Variants in C8A observed in about 807,000 individuals in gnomAD.
The protein encoded by C8A is complement C8 alpha chain.
Under a neutral mutation model 65.3 loss-of-function variants are expected in C8A, and 67 were observed. The ratio of observed to expected loss-of-function variants is 1.03; its 90% CI spans 0.84 to 1.26. The LOEUF (loss-of-function observed/expected upper bound fraction) is 1.26. Ranked by LOEUF, C8A falls within the 50% of genes most tolerant of loss-of-function variation. The pLI, the probability that C8A is intolerant of heterozygous loss-of-function variation, is 0.00. For missense variants in C8A, 781 were observed against 723.9 expected (o/e 1.08, Z -0.90); for synonymous variants, 290 against 259.4 (o/e 1.12, Z -1.13).
chr1:56,900,965 G>A (rs1430457808), intron 7 of C8A, among the ~76,000 whole-genome samples: 1 of 152,188 alleles, frequency 6.6e-6, no homozygotes, highest in Non-Finnish European at 1.5e-5. Context: ...TTAAGAAAAG[G>A]CTGTCTGGAG....
At chr1:56,880,847 A>G (rs2101230389) in intron 4 of C8A, among the ~76,000 whole-genome samples, 1 of 152,298 alleles carries the variant, frequency 6.6e-6, no homozygotes, top group South Asian at 2.1e-4. Context: ...GCTTTTTACA[A>G]ATGACTAAAC....
At chr1:56,888,767 G>T (rs1644321091) in intron 7 of C8A, among the ~76,000 whole-genome samples, 1 of 152,158 alleles carries the variant, frequency 6.6e-6, no homozygotes, top group Non-Finnish European at 1.5e-5. Context: ...GTTAACATTT[G>T]TTGAGCACCT....
chr1:56,881,318 G>C, intron 4 of C8A, 127 bp from the exon 5 acceptor site: 1 of 918,560 alleles, frequency 1.1e-6, no homozygotes, highest in Non-Finnish European at 1.8e-6. Context: ...GGGTACATGC[G>C]CAGGATGTGC....
chr1:56,865,621 G>T (rs1351665614), intron 1 of C8A, among the ~76,000 whole-genome samples: 1 of 152,012 alleles, frequency 6.6e-6, no homozygotes, highest in Non-Finnish European at 1.5e-5. Context: ...ATTTTTTCTT[G>T]ATGAAAAAAC....
rs1483169897 is a variant in C8A, at chr1:56,917,768, T to G, written c.*52T>G. The stretch of plus-strand genomic sequence containing the variant: ...ATGCTGTGGATGTCGACCCCTGCAC[T>G]GACTATTGGATAAAGACTTCTTTCA... On this transcript the variant is annotated 3_prime_UTR_variant, in exon 11 of 11. Coordinates refer to ENST00000361249, the MANE Select transcript of C8A (RefSeq NM_000562.3). 16 of 1,602,386 alleles carry G rather than the reference T, an allele frequency of 1.0e-5. No homozygotes were observed. Among genetic ancestry groups the G allele is most frequent in the Non-Finnish European group, 1.0e-5 (12 of 1,170,784 alleles).
At chr1:56,869,634 G>A (rs618707) in intron 2 of C8A, among the ~76,000 whole-genome samples, 49,397 of 151,996 alleles carry the variant, frequency 0.32, 8,650 homozygotes, top group South Asian at 0.5. Context: ...GCCACCAGTA[G>A]TGTAAAACTG....
At chr1:56,883,738 A>G in intron 6 of C8A, 57 bp downstream of exon 6, 4 of 1,390,240 alleles carry the variant, frequency 2.9e-6, no homozygotes, top group Non-Finnish European at 4.1e-6. Flanking sequence ...CTGAACACGT[A>G]TTACCTTAAT....
chr1:56,857,979 T>C (rs1415429062), intron 1 of C8A, among the ~76,000 whole-genome samples: 1 of 152,130 alleles, frequency 6.6e-6, no homozygotes, highest in African/African-American at 2.4e-5. Flanking sequence ...TATAACTCTA[T>C]ATTTATTAAT....
chr1:56,866,407 G>A (rs1334816266), intron 1 of C8A, among the ~76,000 whole-genome samples: 1 of 152,138 alleles, frequency 6.6e-6, no homozygotes, highest in African/African-American at 2.4e-5. Flanking sequence ...GCTCTTCGGA[G>A]TCTTTAGTAA....
chr1:56,899,571 C>T (rs190072967), intron 7 of C8A, among the ~76,000 whole-genome samples: 11 of 152,242 alleles, frequency 7.2e-5, no homozygotes, highest in South Asian at 2.1e-4. Flanking sequence ...ATGAAGTCAC[C>T]GGGTGCCCTT....
chr1:56,912,850 T>G (rs979351316), intron 10 of C8A, among the ~76,000 whole-genome samples: 7 of 152,198 alleles, frequency 4.6e-5, no homozygotes, highest in Admixed American at 3.3e-4. Context: ...TTCGCCAAGA[T>G]GTATATGGAC....
intron 1 of C8A, among the ~76,000 whole-genome samples, chr1:56,856,691 T>G (rs931763631): frequency 1.3e-4 from 20 of 152,144 alleles, no homozygotes; most frequent in African/African-American, 4.8e-4. Context: ...TAACATTTGC[T>G]TATTATAAAA....
rs183018613 is a variant in C8A, at chr1:56,909,624, T to C, written c.1380+1511T>C. On this transcript the variant is annotated intron_variant, in intron 9 of 10. Transcript: ENST00000361249. ...CCCTGGGAAGACTCAGGGTCATCAT[T>C]TGGAGAAGACCACTACAGTCTTTTG... 2.0e-5 allele frequency among the ~76,000 whole-genome samples: 3 copies of C among 152,306 alleles called. No individual in the cohort carries two copies. In the East Asian group the frequency reaches 5.8e-4, roughly 29 times the overall value.
chr1:56,902,717 T>C (rs1304744390), intron 7 of C8A, among the ~76,000 whole-genome samples: 1 of 152,142 alleles, frequency 6.6e-6, no homozygotes, highest in Non-Finnish European at 1.5e-5. Flanking sequence ...TATTCATATA[T>C]CTAATATAAG....
intron 7 of C8A, among the ~76,000 whole-genome samples, chr1:56,900,090 CCTT>C (rs1361282077): frequency 6.6e-5 from 10 of 152,142 alleles, no homozygotes; most frequent in African/African-American, 1.9e-4. Flanking sequence ...AACATTGCCT[CCTT>C]CTTCTGCCTA....
chr1:56,885,171 G>T (rs934461845), intron 6 of C8A, among the ~76,000 whole-genome samples: 1 of 151,114 alleles, frequency 6.6e-6, no homozygotes, highest in African/African-American at 2.4e-5. Flanking sequence ...AGAGATGGAG[G>T]TGTGGGGGAA....
At chr1:56,888,566 T>A (rs1335985183) in intron 7 of C8A, among the ~76,000 whole-genome samples, 2 of 152,176 alleles carry the variant, frequency 1.3e-5, no homozygotes, top group Non-Finnish European at 2.9e-5. Context: ...TTATAGGCAC[T>A]AAAGATAAAT....
At chr1:56,857,127 T>C (rs894376206) in intron 1 of C8A, among the ~76,000 whole-genome samples, 1 of 152,086 alleles carries the variant, frequency 6.6e-6, no homozygotes, top group Non-Finnish European at 1.5e-5. Context: ...TATTCTGTTG[T>C]TCAGTGTAGT....
chr1:56,865,431 T>A (rs1168913988), intron 1 of C8A, among the ~76,000 whole-genome samples: 1 of 152,078 alleles, frequency 6.6e-6, no homozygotes, highest in Non-Finnish European at 1.5e-5. Context: ...ATGTGGGAGG[T>A]CCCTGTGATC....
Sources: allele counts gnomAD v4.1 joint callset (sites outside exome capture counted in the v4.1 genomes callset), GRCh38; gene constraint gnomAD v4.1.1; transcripts MANE v1.5; gene names NCBI Gene and HGNC (gene_info 2026-07-23, HGNC 2026-07-21).